The following SLC44A5 variants were observed in gnomAD, a reference collection of about 807,000 sequenced individuals.
SLC44A5 encodes the protein choline transporter-like protein 5.
Under a neutral mutation model 101.8 loss-of-function variants are expected in SLC44A5, and 57 were observed. The ratio of observed to expected loss-of-function variants is 0.56; its 90% CI spans 0.45 to 0.70. The LOEUF (loss-of-function observed/expected upper bound fraction) is 0.70. Among genes scored for constraint, SLC44A5 ranks in the 30% least tolerant of loss-of-function variants. The pLI is 0.00. For missense variants in SLC44A5, 737 were observed against 853.1 expected, an observed-to-expected ratio of 0.86 and a Z score of 1.70; for synonymous variants, 281 against 290.9, an observed-to-expected ratio of 0.97 and a Z score of 0.35.
intron 5 of SLC44A5, among the ~76,000 whole-genome samples, chr1:75,286,605 G>T (rs1312794097): frequency 2.0e-5 from 3 of 152,076 alleles, no homozygotes; most frequent in African/African-American, 7.2e-5. Flanking sequence ...CTATTTTGGT[G>T]TATTTTGAGG....
intron 3 of SLC44A5, among the ~76,000 whole-genome samples, chr1:75,374,769 C>T (rs1660462164): frequency 6.6e-6 from 1 of 152,196 alleles, no homozygotes; most frequent in South Asian, 2.1e-4. Flanking sequence ...TCTACACAGC[C>T]TTGGCCCTCT....
the SLC44A5 span, among the ~76,000 whole-genome samples, chr1:75,717,338 C>T: frequency 3.5e-5 from 5 of 144,520 alleles, no homozygotes; most frequent in East Asian, 1.0e-3. Context: ...GAGACCCTGT[C>T]TCAAAAAAAA....
At chr1:75,210,729 A>G (rs930674578) in intron 23 of SLC44A5, among the ~76,000 whole-genome samples, 1 of 152,128 alleles carries the variant, frequency 6.6e-6, no homozygotes, top group Admixed American at 6.6e-5. Context: ...GAACAAAATA[A>G]TTTCATGCTA....
the SLC44A5 span, among the ~76,000 whole-genome samples, chr1:75,647,536 T>C: frequency 6.6e-6 from 1 of 152,032 alleles, no homozygotes; most frequent in Non-Finnish European, 1.5e-5. Context: ...ACCGTGCACC[T>C]GGAAAAGCCA....
the SLC44A5 span, chr1:75,710,001 C>T: frequency 6.6e-6 from 1 of 152,126 alleles, no homozygotes. Context: ...AAAAAAGGTA[C>T]ATACTGTATG....
chr1:75,428,065 G>T (rs1664412959), intron 2 of SLC44A5, among the ~76,000 whole-genome samples: 1 of 152,138 alleles, frequency 6.6e-6, no homozygotes, highest in Non-Finnish European at 1.5e-5. Context: ...TGTTTGATAT[G>T]GTGGAGACTG....
At chr1:75,666,507 G>C in the SLC44A5 span, among the ~76,000 whole-genome samples, 1 of 152,094 alleles carries the variant, frequency 6.6e-6, no homozygotes, top group African/African-American at 2.4e-5. Context: ...TTCTACCAGA[G>C]GTACAAAGAG....
At chr1:75,554,195 G>C (rs545794544) in intron 1 of SLC44A5, among the ~76,000 whole-genome samples, 1 of 152,262 alleles carries the variant, frequency 6.6e-6, no homozygotes, top group African/African-American at 2.4e-5. Flanking sequence ...TGAAGTATCA[G>C]GCTGGGTGCA....
At chr1:75,566,556 G>T (rs529933299) in intron 1 of SLC44A5, among the ~76,000 whole-genome samples, 2 of 152,258 alleles carry the variant, frequency 1.3e-5, no homozygotes, top group Non-Finnish European at 2.9e-5. Context: ...TAAAACCATT[G>T]TGAAAATGCA....
intron 2 of SLC44A5, among the ~76,000 whole-genome samples, chr1:75,467,747 G>A (rs1162048279): frequency 6.6e-6 from 1 of 152,094 alleles, no homozygotes; most frequent in Non-Finnish European, 1.5e-5. Flanking sequence ...AAACTTCAGG[G>A]AAACTCTCCA....
At chr1:75,394,096 A>C (rs1405878045) in intron 3 of SLC44A5, among the ~76,000 whole-genome samples, 2 of 152,192 alleles carry the variant, frequency 1.3e-5, no homozygotes, top group East Asian at 3.8e-4. Flanking sequence ...CAACACCCAG[A>C]CTTTAAGTGT....
At chr1:75,232,797 CT>C (rs1368712589) in intron 12 of SLC44A5, among the ~76,000 whole-genome samples, 3 of 152,148 alleles carry the variant, frequency 2.0e-5, no homozygotes, top group African/African-American at 7.2e-5. Flanking sequence ...AATACCAGGT[CT>C]TTTAACCACC....
chr1:75,553,605 G>A (rs1391074208), intron 1 of SLC44A5, among the ~76,000 whole-genome samples: 1 of 152,154 alleles, frequency 6.6e-6, no homozygotes, highest in African/African-American at 2.4e-5. Context: ...GGAGAAGGGA[G>A]GAAAGAAAGG....
intron 4 of SLC44A5, 72 bp from the exon 5 acceptor site, chr1:75,300,757 G>T: frequency 2.1e-6 from 2 of 964,422 alleles, no homozygotes; most frequent in Non-Finnish European, 1.5e-6. Context: ...ACAAAATGAA[G>T]GAAGAGAGAA....
At chr1:75,212,362 G>T (rs1438587252) in intron 22 of SLC44A5, among the ~76,000 whole-genome samples, 3 of 151,944 alleles carry the variant, frequency 2.0e-5, no homozygotes, top group Admixed American at 2.0e-4. Flanking sequence ...CCCTCAAGTA[G>T]GTCCCAGTGT....
chr1:75,529,661 T>C (rs1670613267), intron 2 of SLC44A5, among the ~76,000 whole-genome samples: 1 of 152,100 alleles, frequency 6.6e-6, no homozygotes, highest in South Asian at 2.1e-4. Context: ...ATAAGAAAAA[T>C]TGCATCTCTT....
the SLC44A5 span, among the ~76,000 whole-genome samples, chr1:75,686,293 A>C: frequency 5.3e-5 from 8 of 152,238 alleles, no homozygotes; most frequent in African/African-American, 1.9e-4. Context: ...AAAGAATAAT[A>C]AAACAAGCTG....
intron 2 of SLC44A5, among the ~76,000 whole-genome samples, chr1:75,417,732 C>G (rs1290381747): frequency 6.6e-6 from 1 of 152,118 alleles, no homozygotes; most frequent in East Asian, 1.9e-4. Flanking sequence ...AATCTACAGG[C>G]AAGGGTAAGA....
At chr1:75,532,786 T>C (rs1670793962) in intron 2 of SLC44A5, among the ~76,000 whole-genome samples, 1 of 152,106 alleles carries the variant, frequency 6.6e-6, no homozygotes, top group Non-Finnish European at 1.5e-5. Flanking sequence ...ATGCCTGTAA[T>C]CCCAGCACTT....
Sources: gnomAD v4.1 joint callset for allele counts (sites outside exome capture counted in the v4.1 genomes callset) on GRCh38, gnomAD v4.1.1 for gene constraint, MANE v1.5 for transcripts, NCBI Gene and HGNC (gene_info 2026-07-23, HGNC 2026-07-21) for gene names.